KLC3: variants seen among roughly 807,000 people sequenced by gnomAD.
KLC3 encodes kinesin light chain 3, also known as kinesin light chain 2.
In KLC3, 72 loss-of-function variants were observed where a neutral mutation model predicts 62.9. That is an observed-to-expected ratio of 1.15 (90% CI 0.95 to 1.39). KLC3 has a LOEUF of 1.39. KLC3 is among the 40% of genes most tolerant of loss of function. The pLI, the probability that KLC3 is intolerant of heterozygous loss-of-function variation, is 0.00. For synonymous variants in KLC3, 377 were observed against 300.5 expected (o/e 1.25, Z -2.63); for missense variants, 848 against 691.6 (o/e 1.23, Z -2.54).
chr19:45,348,006 A>G lies in KLC3; in HGVS notation c.625A>G (p.Thr209Ala). 6.2e-7 allele frequency: 1 copy of G among 1,608,646 alleles called. No individual in the cohort carries two copies. The highest frequency in any genetic ancestry group is 8.5e-7 in the Non-Finnish European group (1 of 1,177,876). ...GGYEIPARLR[T>A]LHNLVIQYAG... ...CTATGAGATCCCTGCCCGCCTTCGG[A>G]CCCTGCATAACCTCGTGATCCAGTA... The change falls in exon 5 of 13, where the codon ACC becomes GCC. Residue 209 changes from threonine (T) to alanine (A), a missense_variant. Thr to Ala is a moderately conservative substitution (Grantham distance 58, BLOSUM62 0). Transcript: ENST00000391946.
chr19:45,349,367 G>A lies in KLC3; in HGVS notation c.970-62G>A, dbSNP rs1971599025. ...CCCAACTCATGACCACCATACAGCAGTGATGTCACGTGTCCCACCAATCCT... is the reference window on the plus strand; with the variant it reads ...CCCAACTCATGACCACCATACAGCAATGATGTCACGTGTCCCACCAATCCT... On this transcript the variant is annotated intron_variant, in intron 7 of 12. Transcript: ENST00000391946. 4 of 1,500,674 alleles carry A rather than the reference G, an allele frequency of 2.7e-6. No homozygotes were observed. In the East Asian group the frequency reaches 9.1e-5, roughly 34 times the overall value. The allele number at this position is 1,500,674 out of a possible 1,614,324, so 93.0% of individuals were successfully genotyped here.
Position 45,350,946 on chromosome 19 carries a change from C to CTT in KLC3, c.1380-6_1380-5dup, listed in dbSNP as rs761353833. 3 of 1,613,956 alleles carry CTT rather than the reference C, an allele frequency of 1.9e-6. No homozygotes were observed. The African/African-American group carries it at 4.0e-5, about 22-fold the overall frequency. On this transcript the variant is annotated splice_region_variant and splice_polypyrimidine_tract_variant and intron_variant, in intron 11 of 12. Transcript: ENST00000391946. ...TCACTCATTTCCTCCCTGCTGCCCT[C>CTT]TTTGCAGAATGAAGAGAGCCATGTC...
chr19:45,350,475 C>G (rs1568527274), intron 9 of KLC3, 39 bp from the exon 10 acceptor site: 3 of 1,613,510 alleles, frequency 1.9e-6, no homozygotes, highest in Non-Finnish European at 2.5e-6. Context: ...GGTGGCTTCT[C>G]TATGTCCCCA....
chr19:45,351,141 C>T, intron 12 of KLC3, 124 bp downstream of exon 12: 1 of 1,598,262 alleles, frequency 6.3e-7, no homozygotes, highest in Non-Finnish European at 8.5e-7. Context: ...CAGAAGAGAC[C>T]CAGGACAGGA....
In KLC3 at chr19:45,345,761, T is replaced by C; in HGVS notation, c.220T>C (p.Ser74Pro). The C allele has an allele frequency of 1.3e-6, 2 of 1,553,052 alleles. No homozygotes were observed. Among genetic ancestry groups the C allele is most frequent in the South Asian group, 2.4e-5 (2 of 84,092 alleles). The change falls in exon 2 of 13, where the codon TCG becomes CCG. Residue 74 changes from serine (S) to proline (P), a missense_variant. By Grantham distance (74) the Ser-to-Pro change is moderately conservative. Transcript: ENST00000391946. The part of the protein sequence containing the change: ...LEEKQQVVSH[S>P]LEAIELGLGE... ...GGAAAAGCAGCAGGTGGTGAGCCAC[T>C]CGCTGGAGGCCATCGAGCTGGGGCT...
rs1355932269 is a variant in KLC3 at position 45,351,496 on chromosome 19, T to G, written c.*139T>G. ...GTGGATAGCTGCCTTCTCCTGCGATTAAAGGCTGTGGACGTGACAGTGAGA... is the reference window on the plus strand; with the variant it reads ...GTGGATAGCTGCCTTCTCCTGCGATGAAAGGCTGTGGACGTGACAGTGAGA... On this transcript the variant is annotated 3_prime_UTR_variant, in exon 13 of 13. Coordinates refer to ENST00000391946, the MANE Select transcript of KLC3 (RefSeq NM_177417.3). The G allele has an allele frequency of 6.3e-7, 1 of 1,593,918 alleles. No homozygotes were observed. Among genetic ancestry groups the G allele is most frequent in the East Asian group, 2.2e-5 (1 of 44,756 alleles).
Position 45,348,092 on chromosome 19 carries a change from GGAGC to G in KLC3, c.713_716del (p.Glu238AlafsTer122). 2.5e-6 allele frequency: 4 copies of G among 1,602,854 alleles called. No individual in the cohort carries two copies. The highest frequency in any genetic ancestry group is 2.6e-6 in the Non-Finnish European group (3 of 1,175,216). On this transcript the variant is annotated frameshift_variant, in exon 5 of 13. Coordinates refer to ENST00000391946, the MANE Select transcript of KLC3 (RefSeq NM_177417.3). LOFTEE classifies it high-confidence loss of function. Reference sequence around the variant, plus strand: ...TGTGCCGCCAGGCCTTGGAGGACCTGGAGCGCAGCTCGGGCCACTGCCACCCTGA... The same window carrying G: ...TGTGCCGCCAGGCCTTGGAGGACCTGGCAGCTCGGGCCACTGCCACCCTGA...
intron 3 of KLC3, 147 bp downstream of exon 3, chr19:45,346,921 C>T (rs780330789): frequency 1.5e-5 from 10 of 663,178 alleles, no homozygotes; most frequent in African/African-American, 3.7e-5. Context: ...CACAGTCCCC[C>T]AACCCTCCAC....
In KLC3 at chr19:45,350,786, G is replaced by C. The variant is rs1218533169; in HGVS notation, c.1379+39G>C. The C allele has an allele frequency of 3.2e-6, 5 of 1,562,672 alleles. No individual in the cohort carries two copies. The South Asian group carries it at 5.8e-5, about 18-fold the overall frequency. ...AGGTCGGCAAAGAGCCCTGACATCAGCAGAATCCACAGCCCACCCCACCCC... is the reference window on the plus strand; with the variant it reads ...AGGTCGGCAAAGAGCCCTGACATCACCAGAATCCACAGCCCACCCCACCCC... On this transcript the variant is annotated intron_variant, in intron 11 of 12. Transcript: ENST00000391946.
At position 45,346,548 on chromosome 19, in the gene KLC3, T is replaced by C; in HGVS notation, c.263T>C (p.Leu88Pro). 6.5e-7 allele frequency: 1 copy of C among 1,532,174 alleles called. No homozygotes were observed. Among genetic ancestry groups the C allele is most frequent in the Non-Finnish European group, 8.8e-7 (1 of 1,136,170 alleles). 94.9% of individuals were successfully genotyped at this position (1,532,174 alleles called of 1,614,324 possible). A position where few individuals can be genotyped will look rare whatever the true frequency, so the allele number is the denominator to read the frequency against. Reference sequence around the variant, plus strand: ...TGGGACCCCCACCCCGGGCAGGTGCTGCTGGCCCTGTCGGCACATGTGGGT... The same window carrying C: ...TGGGACCCCCACCCCGGGCAGGTGCCGCTGGCCCTGTCGGCACATGTGGGT... ...IELGLGEAQV[L>P]LALSAHVGAL... The change falls in exon 3 of 13, where the codon CTG becomes CCG. Residue 88 changes from leucine (L) to proline (P), a missense_variant. Leu to Pro is a moderately conservative substitution (Grantham distance 98). Transcript: ENST00000391946.
In KLC3 at chr19:45,346,964, C is replaced by T. The variant is rs369724566; in HGVS notation, c.489+190C>T. The T allele has an allele frequency of 6.3e-5, 34 of 539,876 alleles. 1 individual carries two copies. Among genetic ancestry groups the T allele is most frequent in the East Asian group, 3.4e-4 (11 of 32,724 alleles). The allele number at this position is 539,876 out of a possible 1,614,324, so 33.4% of individuals were successfully genotyped here. Reference sequence around the variant, plus strand: ...CCAGACCCACCAGAACTTCCACAGACGCCCCCACTAGCTACTCCACGAAGC... The same window carrying T: ...CCAGACCCACCAGAACTTCCACAGATGCCCCCACTAGCTACTCCACGAAGC... On this transcript the variant is annotated intron_variant, in intron 3 of 12. Transcript: ENST00000391946.
At position 45,347,532 on chromosome 19, in the gene KLC3, A is replaced by T. The variant is rs1192176684; in HGVS notation, c.559+16A>T. On this transcript the variant is annotated intron_variant, in intron 4 of 12. Transcript: ENST00000391946. ...GAGAGGAAAGGTGGGTGTTGGGAGT[A>T]CATGCCACAGAGGATGGCAGGCCAG... The T allele has an allele frequency of 3.7e-6, 6 of 1,603,034 alleles. No individual in the cohort carries two copies. The highest frequency in any genetic ancestry group is 4.3e-6 in the Non-Finnish European group (5 of 1,174,602).
At chr19:45,349,178 C>T (rs1367359767) in intron 7 of KLC3, among the ~76,000 whole-genome samples, 4 of 152,090 alleles carry the variant, frequency 2.6e-5, no homozygotes. Context: ...TTTCCAACCC[C>T]TCATGGCCAC....
In KLC3 at chr19:45,348,968, G is replaced by A. The variant is rs779895668; in HGVS notation, c.969+47G>A. 19 of 1,488,434 alleles carry A rather than the reference G, an allele frequency of 1.3e-5. No individual in the cohort carries two copies. The South Asian group carries it at 1.6e-4, about 12-fold the overall frequency. 92.2% of individuals were successfully genotyped at this position (1,488,434 alleles called of 1,614,324 possible). A position where few individuals can be genotyped will look rare whatever the true frequency, so the allele number is the denominator to read the frequency against. On this transcript the variant is annotated intron_variant, in intron 7 of 12. Transcript: ENST00000391946. Reference sequence around the variant, plus strand: ...CCCGAGGAACCCCTTGTCCCATGTAGCCCTCCCCAGGGATGCTGAGCACGT... The same window carrying A: ...CCCGAGGAACCCCTTGTCCCATGTAACCCTCCCCAGGGATGCTGAGCACGT...
In KLC3 at chr19:45,349,532, G is replaced by A. The variant is rs201109148; in HGVS notation, c.1073G>A (p.Arg358Gln). 66 of 1,613,958 alleles carry A rather than the reference G, an allele frequency of 4.1e-5. No individual in the cohort carries two copies. The highest frequency in any genetic ancestry group is 2.7e-4 in the South Asian group (25 of 91,080). Residue 358 changes from arginine to glutamine, a missense_variant, in exon 8 of 13, where the codon CGG (arginine) becomes CAG (glutamine). Arg to Gln is a conservative substitution (Grantham distance 43). Transcript: ENST00000391946. ...GAGGACGTGGAGCGGCACTATGCCC[G>A]GGCCCTGAGCATCTATGAGGCACTG... Reference protein sequence around the residue: ...KFEDVERHYARALSIYEALGG... With the variant: ...KFEDVERHYAQALSIYEALGG...
intron 2 of KLC3, among the ~76,000 whole-genome samples, chr19:45,346,277 A>T (rs1250497938): frequency 1.3e-5 from 2 of 152,040 alleles, no homozygotes; most frequent in Non-Finnish European, 2.9e-5. Flanking sequence ...TGGCAGCTTT[A>T]GGGGGTCCTT....
In KLC3 at chr19:45,346,644, G is replaced by A. The variant is rs750236355; in HGVS notation, c.359G>A (p.Arg120Gln). 64 of 1,555,362 alleles carry A rather than the reference G, an allele frequency of 4.1e-5. No homozygotes were observed. The highest frequency in any genetic ancestry group is 7.1e-5 in the South Asian group (6 of 84,292). Residue 120 changes from arginine to glutamine, a missense_variant, in exon 3 of 13, where the codon CGG becomes CAG. Coordinates refer to ENST00000391946, the MANE Select transcript of KLC3 (RefSeq NM_177417.3). ...CTGGCCCAGGAGAACGTGTGGCTGCGGGAGGAACTGGAGGAGACGCAGCGG... is the reference window on the plus strand; with the variant it reads ...CTGGCCCAGGAGAACGTGTGGCTGCAGGAGGAACTGGAGGAGACGCAGCGG... ...RRLAQENVWL[R>Q]EELEETQRRL...
At chr19:45,348,288 G>T (rs1971558379) in intron 5 of KLC3, 128 bp downstream of exon 5, 2 of 860,508 alleles carry the variant, frequency 2.3e-6, no homozygotes, top group African/African-American at 3.4e-5. Context: ...GGGACAGCAA[G>T]AATGGGAAAG....
intron 8 of KLC3, 117 bp from the exon 9 acceptor site, chr19:45,350,224 C>A: frequency 1.3e-6 from 1 of 747,118 alleles, no homozygotes; most frequent in Non-Finnish European, 2.2e-6. Context: ...GAGTTCAAGA[C>A]CAGCCTGGGC....
Sources: allele counts gnomAD v4.1 joint callset (sites outside exome capture counted in the v4.1 genomes callset), GRCh38; gene constraint gnomAD v4.1.1; transcripts MANE v1.5; gene names NCBI Gene and HGNC (gene_info 2026-07-23, HGNC 2026-07-21).